ERBB4: variants seen among roughly 807,000 people sequenced by gnomAD.
ERBB4 encodes receptor tyrosine-protein kinase erbB-4.
In ERBB4, 42 loss-of-function variants were observed where a neutral mutation model predicts 158.0. The ratio of observed to expected loss-of-function variants is 0.27; its 90% CI spans 0.21 to 0.34. The LOEUF is 0.34. Among genes scored for constraint, ERBB4 ranks in the 10% least tolerant of loss-of-function variants. The probability of loss-of-function intolerance (pLI) is 1.00; values close to 1 mark genes in which losing one functional copy is unlikely to be tolerated. For synonymous variants in ERBB4, 583 were observed against 558.7 expected (o/e 1.04, Z -0.61); for missense variants, 1,333 against 1,624.1 (o/e 0.82, Z 3.08).
chr2:211,944,164 C>CTATATATATATATAATA (rs71397155), intron 3 of ERBB4, among the ~76,000 whole-genome samples: 2 of 100,884 alleles, frequency 2.0e-5, no homozygotes, highest in South Asian at 3.0e-4. Context: ...TATATATACA[C>CTATATATATATATAATA]TATATATATA....
At chr2:211,406,984 G>A (rs974869908) in intron 25 of ERBB4, among the ~76,000 whole-genome samples, 1 of 152,146 alleles carries the variant, frequency 6.6e-6, no homozygotes, top group East Asian at 1.9e-4. Context: ...GGAGGCTGAG[G>A]TAAGAGGATT....
intron 4 of ERBB4, among the ~76,000 whole-genome samples, chr2:211,774,605 G>C (rs1469590811): frequency 6.6e-6 from 1 of 152,166 alleles, no homozygotes; most frequent in Non-Finnish European, 1.5e-5. Context: ...CTTTTGAACG[G>C]TTAGGATATC....
At chr2:211,751,013 A>G (rs1489307690) in intron 4 of ERBB4, among the ~76,000 whole-genome samples, 1 of 152,180 alleles carries the variant, frequency 6.6e-6, no homozygotes, top group Admixed American at 6.5e-5. Flanking sequence ...TTTCACTTTC[A>G]CTGTTCAGCA....
Position 211,440,507 on chromosome 2 carries a change from A to G in ERBB4, c.2488-9407T>C, listed in dbSNP as rs532914633. Among the ~76,000 whole-genome samples the G allele has an allele frequency of 9.9e-5, 15 of 152,282 alleles. No homozygotes were observed. The East Asian group carries it at 2.5e-3, about 25-fold the overall frequency. On this transcript the variant is annotated intron_variant, in intron 20 of 27. Transcript: ENST00000342788. ...ACAGAGAGGTGGTTGAATGTCTGAC[A>G]CCTTAGTAATAATTGAGCAGAAACA...
chr2:211,727,779 C>T (rs1278818292), intron 5 of ERBB4, among the ~76,000 whole-genome samples: 1 of 151,876 alleles, frequency 6.6e-6, no homozygotes, highest in Non-Finnish European at 1.5e-5. Context: ...TAATTATTCT[C>T]TATGTAGTAC....
At chr2:211,617,139 T>C (rs978268509) in intron 19 of ERBB4, among the ~76,000 whole-genome samples, 1 of 152,102 alleles carries the variant, frequency 6.6e-6, no homozygotes, top group Non-Finnish European at 1.5e-5. Flanking sequence ...TTGTAGGCTC[T>C]TAACCCCCTT....
chr2:211,818,779 A>G (rs2076929904), intron 3 of ERBB4, among the ~76,000 whole-genome samples: 1 of 151,750 alleles, frequency 6.6e-6, no homozygotes, highest in African/African-American at 2.4e-5. Flanking sequence ...GTCCACAATG[A>G]AGACAGATTC....
intron 4 of ERBB4, among the ~76,000 whole-genome samples, chr2:211,753,672 A>C (rs2075201833): frequency 6.6e-6 from 1 of 151,590 alleles, no homozygotes; most frequent in Non-Finnish European, 1.5e-5. Context: ...GACATCTAAA[A>C]GGAGATCACC....
At chr2:211,845,948 T>C (rs1228134156) in intron 3 of ERBB4, among the ~76,000 whole-genome samples, 1 of 152,136 alleles carries the variant, frequency 6.6e-6, no homozygotes, top group Non-Finnish European at 1.5e-5. Context: ...ATGTATTCCC[T>C]GAATTGTCAA....
chr2:211,475,466 A>G (rs190426667), intron 20 of ERBB4, among the ~76,000 whole-genome samples: 99 of 152,232 alleles, frequency 6.5e-4, no homozygotes, highest in Middle Eastern at 6.8e-3. Context: ...TGATCAATGT[A>G]TTTCCTAGTA....
intron 1 of ERBB4, among the ~76,000 whole-genome samples, chr2:212,410,727 T>C (rs1279610654): frequency 6.6e-6 from 1 of 152,096 alleles, no homozygotes; most frequent in East Asian, 1.9e-4. Flanking sequence ...TAAATAGTTA[T>C]ATTACTTCCC....
At chr2:212,311,967 C>T (rs766212360) in intron 1 of ERBB4, among the ~76,000 whole-genome samples, 2 of 150,952 alleles carry the variant, frequency 1.3e-5, no homozygotes, top group Non-Finnish European at 3.0e-5. Flanking sequence ...CTGTCAAAAT[C>T]GTGATTTAAA....
At chr2:212,203,673 C>G (rs2082653584) in intron 1 of ERBB4, among the ~76,000 whole-genome samples, 1 of 152,190 alleles carries the variant, frequency 6.6e-6, no homozygotes, top group Non-Finnish European at 1.5e-5. Context: ...TAATTAAAAT[C>G]CTTGCTAAAA....
At chr2:212,385,743 C>G (rs1262303242) in intron 1 of ERBB4, among the ~76,000 whole-genome samples, 3 of 151,636 alleles carry the variant, frequency 2.0e-5, no homozygotes, top group African/African-American at 7.3e-5. Context: ...TTCATATAAA[C>G]TTCAAGTGGA....
chr2:212,372,480 TGGCTCACA>T (rs1240821223), intron 1 of ERBB4, among the ~76,000 whole-genome samples: 1 of 152,116 alleles, frequency 6.6e-6, no homozygotes, highest in Non-Finnish European at 1.5e-5. Context: ...CCAGGCGCGG[TGGCTCACA>T]CCTGTAATCC....
chr2:211,465,057 C>T (rs1052916223), intron 20 of ERBB4, among the ~76,000 whole-genome samples: 1 of 150,038 alleles, frequency 6.7e-6, no homozygotes, highest in African/African-American at 2.5e-5. Flanking sequence ...TGATAGCTTA[C>T]TGCAACCTTG....
intron 1 of ERBB4, among the ~76,000 whole-genome samples, chr2:212,447,266 G>T (rs2092375666): frequency 6.6e-6 from 1 of 151,800 alleles, no homozygotes; most frequent in Non-Finnish European, 1.5e-5. Flanking sequence ...CAAAGTGCTG[G>T]GATTACAGGT....
chr2:211,666,156 ATCCAC>A (rs1222652926), intron 14 of ERBB4, among the ~76,000 whole-genome samples: 1 of 152,164 alleles, frequency 6.6e-6, no homozygotes, highest in Non-Finnish European at 1.5e-5. Flanking sequence ...TTTATTTCAT[ATCCAC>A]TGTGAAAACA....
chr2:211,875,050 A>AAAAAAAAAAAAAAAAAAC (rs66500425), intron 3 of ERBB4, among the ~76,000 whole-genome samples: 12 of 75,882 alleles, frequency 1.6e-4, no homozygotes, highest in Admixed American at 2.7e-4. Flanking sequence ...AAAAAAAAAA[A>AAAAAAAAAAAAAAAAAAC]CAAACTCAAA....
Sources: allele counts gnomAD v4.1 joint callset (sites outside exome capture counted in the v4.1 genomes callset), GRCh38; gene constraint gnomAD v4.1.1; transcripts MANE v1.5; gene names NCBI Gene and HGNC (gene_info 2026-07-23, HGNC 2026-07-21).